SLF2: variants seen among roughly 807,000 people sequenced by gnomAD.
SLF2 encodes the protein SMC5-SMC6 complex localization factor protein 2.
In SLF2, 68 loss-of-function variants were observed where a neutral mutation model predicts 124.3. The observed-to-expected ratio is 0.55, with a 90% CI of 0.45 to 0.67. The LOEUF (loss-of-function observed/expected upper bound fraction) is 0.67. SLF2 is among the 30% of genes least tolerant of loss of function. The pLI is 0.00. For missense variants in SLF2, 1,246 were observed against 1,373.7 expected, an observed-to-expected ratio of 0.91 and a Z score of 1.47; for synonymous variants, 480 against 478.8, an observed-to-expected ratio of 1.00 and a Z score of -0.03.
In SLF2 at chr10:100,945,376, G is replaced by A. The variant is rs147291293; in HGVS notation, c.2804G>A (p.Arg935His). 2.3e-5 allele frequency: 37 copies of A among 1,601,832 alleles called. No homozygotes were observed. Among genetic ancestry groups the A allele is most frequent in the South Asian group, 1.9e-4 (17 of 87,628 alleles). ...TSIHPEGYQDREIMLLILMLF... is the reference protein window; with the variant it reads ...TSIHPEGYQDHEIMLLILMLF... ...ATACATCCAGAAGGTTACCAGGATC[G>A]TGAAATAATGTTGCTGATTTTAATG... is the stretch of plus-strand genomic sequence containing the variant. Residue 935 changes from arginine to histidine, a missense_variant, in exon 13 of 20, where the codon CGT becomes CAT. Physicochemically the swap from Arg to His is conservative, Grantham distance 29. This residue lies in a region of SLF2 where 535 missense variants were observed against 632.8 expected (regional missense o/e 0.85). Transcript: ENST00000238961.
intron 9 of SLF2, among the ~76,000 whole-genome samples, chr10:100,935,859 C>CTTTT (rs556164456): frequency 2.0e-5 from 2 of 99,342 alleles, no homozygotes; most frequent in Non-Finnish European, 3.9e-5. Flanking sequence ...TTTTTTTTTT[C>CTTTT]TTTTTTTTTT....
At position 100,916,045 on chromosome 10, in the gene SLF2, A is replaced by G. The variant is rs1455820527; in HGVS notation, c.184+3A>G. On this transcript the variant is annotated splice_donor_region_variant and intron_variant, in intron 2 of 19. Coordinates refer to ENST00000238961, the MANE Select transcript of SLF2 (RefSeq NM_018121.4). ...CTTCAAACCAGCTTCAAAACAAGGT[A>G]TGTACACTGTTGATGCATTTTTTGT... 5.6e-6 allele frequency: 9 copies of G among 1,610,100 alleles called. No homozygotes were observed. The highest frequency in any genetic ancestry group is 5.9e-6 in the Non-Finnish European group (7 of 1,177,390).
chr10:100,929,417 G>C lies in SLF2; in HGVS notation c.2143G>C (p.Asp715His). The C allele has an allele frequency of 6.2e-7, 1 of 1,610,980 alleles. No individual in the cohort carries two copies. The highest frequency in any genetic ancestry group is 8.5e-7 in the Non-Finnish European group (1 of 1,178,366). Residue 715 changes from aspartate (D) to histidine (H), a missense_variant, in exon 7 of 20, where the codon GAT becomes CAT. Around this residue, in one of 3 missense-constraint regions of SLF2, gnomAD observed 535 missense variants for 632.8 expected, o/e 0.85. Coordinates refer to ENST00000238961, the MANE Select transcript of SLF2 (RefSeq NM_018121.4). Reference protein sequence around the residue: ...IGEEDSTDDEDGLLEEHKEFL... With the variant: ...IGEEDSTDDEHGLLEEHKEFL... ...AGAAGAAGACAGTACAGATGATGAGGATGGCCTCTTAGAAGAGCACAAGTA... is the reference window on the plus strand; with the variant it reads ...AGAAGAAGACAGTACAGATGATGAGCATGGCCTCTTAGAAGAGCACAAGTA...
At chr10:100,937,159 C>T (rs1589955517) in intron 9 of SLF2, among the ~76,000 whole-genome samples, 1 of 152,092 alleles carries the variant, frequency 6.6e-6, no homozygotes, top group Admixed American at 6.6e-5. Context: ...TACAGGTGTG[C>T]GCCACCACAC....
rs896887918 is a variant in SLF2, at chr10:100,959,123, G to A, written c.3418-305G>A. 7.2e-5 allele frequency among the ~76,000 whole-genome samples: 11 copies of A among 152,316 alleles called. 1 individual carries two copies. Among genetic ancestry groups the A allele is most frequent in the Admixed American group, 5.2e-4 (8 of 15,296 alleles). On this transcript the variant is annotated intron_variant, in intron 18 of 19. Transcript: ENST00000238961. ...TCTATCTGGTTGTTCAAAAGCCAGC[G>A]AGTTAAAGTTAAGTTCCTTTGAAGG...
chr10:100,929,516 G>T, intron 7 of SLF2, 77 bp downstream of exon 7: 1 of 1,231,054 alleles, frequency 8.1e-7, no homozygotes, highest in Non-Finnish European at 1.1e-6. Flanking sequence ...AAAATAAATG[G>T]GCCATTGATG....
At chr10:100,959,575 A>G in intron 19 of SLF2, 79 bp downstream of exon 19, 1 of 1,526,600 alleles carries the variant, frequency 6.6e-7, no homozygotes. Flanking sequence ...GAAATAAAAT[A>G]GGGTATAACA....
At chr10:100,935,370 G>A (rs559022581) in intron 9 of SLF2, among the ~76,000 whole-genome samples, 3 of 151,942 alleles carry the variant, frequency 2.0e-5, no homozygotes, top group Non-Finnish European at 4.4e-5. Context: ...ACTCCAGCCT[G>A]GGTGACAGTG....
chr10:100,928,080 A>AGG (rs1491429289), intron 6 of SLF2, among the ~76,000 whole-genome samples: 1 of 24,542 alleles, frequency 4.1e-5, no homozygotes, highest in Admixed American at 4.0e-4. Context: ...AGAGAGAGAC[A>AGG]GAGAGAGAGA....
At chr10:100,959,674 A>G in intron 19 of SLF2, 178 bp downstream of exon 19, 5 of 1,141,952 alleles carry the variant, frequency 4.4e-6, no homozygotes, top group Non-Finnish European at 5.7e-6. Flanking sequence ...TTTGCTTTAT[A>G]TTCATTAATT....
Position 100,961,991 on chromosome 10 carries a change from C to G in SLF2, c.*79C>G, listed in dbSNP as rs929273667. The G allele has an allele frequency of 5.4e-5, 70 of 1,300,594 alleles. No individual in the cohort carries two copies. The highest frequency in any genetic ancestry group is 6.5e-5 in the Non-Finnish European group (61 of 932,836). The allele number at this position is 1,300,594 out of a possible 1,614,324, so 80.6% of individuals were successfully genotyped here. A position where few individuals can be genotyped will look rare whatever the true frequency, so the allele number is the denominator to read the frequency against. The stretch of plus-strand genomic sequence containing the variant: ...CATAGAGGAGTAGAAAGGATTATTA[C>G]AGAATCCAATGAATGCCAAGAAAAT... On this transcript the variant is annotated 3_prime_UTR_variant, in exon 20 of 20. Coordinates refer to ENST00000238961, the MANE Select transcript of SLF2 (RefSeq NM_018121.4).
intron 15 of SLF2, 108 bp downstream of exon 15, chr10:100,947,955 T>G (rs563951860): frequency 1.4e-6 from 1 of 705,498 alleles, no homozygotes; most frequent in African/African-American, 1.8e-5. Flanking sequence ...GCTCAGCTCT[T>G]AAGCTTGATA....
rs1589972304 is a variant in SLF2 at position 100,962,011 on chromosome 10, G to C, written c.*99G>C. The stretch of plus-strand genomic sequence containing the variant: ...TATTACAGAATCCAATGAATGCCAA[G>C]AAAATGTACAGCAAATGTGCCACTT... On this transcript the variant is annotated 3_prime_UTR_variant, in exon 20 of 20. Transcript: ENST00000238961. 4.4e-5 allele frequency: 49 copies of C among 1,107,126 alleles called. No homozygotes were observed. In the East Asian group the frequency reaches 1.2e-3, roughly 27 times the overall value. 68.6% of individuals were successfully genotyped at this position (1,107,126 alleles called of 1,614,324 possible).
chr10:100,953,617 G>GT (rs1443940702), intron 17 of SLF2, among the ~76,000 whole-genome samples: 5 of 151,578 alleles, frequency 3.3e-5, no homozygotes, highest in Non-Finnish European at 7.4e-5. Flanking sequence ...TGTAATCATA[G>GT]TATCATTTGC....
chr10:100,945,686 A>G (rs1328939640), intron 13 of SLF2, among the ~76,000 whole-genome samples, 180 bp downstream of exon 13: 1 of 152,220 alleles, frequency 6.6e-6, no homozygotes, highest in Non-Finnish European at 1.5e-5. Flanking sequence ...AATTTTTTCT[A>G]AAACTTCAAC....
chr10:100,918,333 A>G (rs750415317), intron 3 of SLF2, 51 bp from the exon 4 acceptor site: 10 of 1,228,012 alleles, frequency 8.1e-6, no homozygotes, highest in Non-Finnish European at 9.2e-6. Flanking sequence ...ATGCCTTCAC[A>G]TTCTTTACTG....
chr10:100,950,336 A>G (rs1850186430), intron 16 of SLF2, 129 bp downstream of exon 16: 9 of 1,063,036 alleles, frequency 8.5e-6, no homozygotes, highest in Non-Finnish European at 9.2e-6. Context: ...ATAATTTTAA[A>G]GCGAATAATA....
Position 100,930,964 on chromosome 10 carries a change from T to G in SLF2, c.2334-12T>G. ...AGTTAATAGCCATGTTGATTTTACT[T>G]TATTTTTTCAGATCGGGAAAAACAG... is the stretch of plus-strand genomic sequence containing the variant. On this transcript the variant is annotated splice_polypyrimidine_tract_variant and intron_variant, in intron 8 of 19. Coordinates refer to ENST00000238961, the MANE Select transcript of SLF2 (RefSeq NM_018121.4). 6.2e-7 allele frequency: 1 copy of G among 1,608,614 alleles called. No individual in the cohort carries two copies. The highest frequency in any genetic ancestry group is 8.5e-7 in the Non-Finnish European group (1 of 1,175,484).
intron 9 of SLF2, among the ~76,000 whole-genome samples, chr10:100,933,586 CTTTT>C (rs749750808): frequency 1.4e-5 from 2 of 145,208 alleles, no homozygotes; most frequent in East Asian, 4.0e-4. Flanking sequence ...AAGGTTAGTA[CTTTT>C]TTTTTTTAAC....
Sources: gnomAD v4.1 joint callset for allele counts (sites outside exome capture counted in the v4.1 genomes callset) on GRCh38, gnomAD v4.1.1 for gene constraint, gnomAD v4.1.1 regional missense constraint, MANE v1.5 for transcripts, NCBI Gene and HGNC (gene_info 2026-07-23, HGNC 2026-07-21) for gene names.